HGSNAT: variants seen among roughly 807,000 people sequenced by gnomAD.
HGSNAT encodes the protein transmembrane protein 76.
Under a neutral mutation model 85.2 loss-of-function variants are expected in HGSNAT, and 59 were observed. The observed-to-expected ratio is 0.69, with a 90% CI of 0.56 to 0.86. The LOEUF is 0.86. HGSNAT is among the 40% of genes least tolerant of loss of function. HGSNAT has a pLI of 0.00. For synonymous variants in HGSNAT, 321 were observed against 304.5 expected (o/e 1.05, Z -0.56); for missense variants, 756 against 777.1 (o/e 0.97, Z 0.32).
intron 2 of HGSNAT, among the ~76,000 whole-genome samples, chr8:43,149,464 C>G (rs959489507): frequency 1.3e-5 from 2 of 152,024 alleles, no homozygotes; most frequent in African/African-American, 4.8e-5. Flanking sequence ...TTTGGGAGGC[C>G]GAGGCGGGCG....
Position 43,172,324 on chromosome 8 carries a change from T to C in HGSNAT, c.758T>C (p.Leu253Pro), listed in dbSNP as rs1460568408. 1 of 1,611,652 alleles carries C rather than the reference T, an allele frequency of 6.2e-7. No homozygotes were observed. Among genetic ancestry groups the C allele is most frequent in the Admixed American group, 1.7e-5 (1 of 60,022 alleles). The change falls in exon 8 of 18, where the codon CTC becomes CCC. Residue 253 changes from leucine (L) to proline (P), a missense_variant. Leu to Pro is a moderately conservative substitution (Grantham distance 98). Coordinates refer to ENST00000379644, the MANE Select transcript of HGSNAT (RefSeq NM_152419.3). ...VDTFRGIALI[L>P]MVFVNYGGGK... ...GCTTCTTCTAGGATTGCTCTTATAC[T>C]CATGGTCTTTGTCAATTATGGAGGA...
At chr8:43,159,871 C>T (rs1232044570) in intron 4 of HGSNAT, among the ~76,000 whole-genome samples, 1 of 152,136 alleles carries the variant, frequency 6.6e-6, no homozygotes, top group Non-Finnish European at 1.5e-5. Context: ...AATGTATGTG[C>T]TGCCTTTTGA....
At chr8:43,198,876 ACT>A (rs1198644491) in intron 17 of HGSNAT, among the ~76,000 whole-genome samples, 1 of 152,098 alleles carries the variant, frequency 6.6e-6, no homozygotes, top group Non-Finnish European at 1.5e-5. Context: ...CAAGAATTGT[ACT>A]GTTATAAAAT....
At chr8:43,177,733 G>T (rs927928727) in intron 9 of HGSNAT, among the ~76,000 whole-genome samples, 1 of 152,094 alleles carries the variant, frequency 6.6e-6, no homozygotes, top group African/African-American at 2.4e-5. Flanking sequence ...GGGCTTTGAG[G>T]GTGTGCTTGT....
At chr8:43,161,924 G>C (rs1246568006) in intron 5 of HGSNAT, among the ~76,000 whole-genome samples, 1 of 152,238 alleles carries the variant, frequency 6.6e-6, no homozygotes, top group Non-Finnish European at 1.5e-5. Context: ...GCCAGCCCAG[G>C]CATCTGGTGG....
At chr8:43,175,594 CT>C (rs1213871983) in intron 9 of HGSNAT, among the ~76,000 whole-genome samples, 1 of 103,330 alleles carries the variant, frequency 9.7e-6, no homozygotes, top group Non-Finnish European at 1.8e-5. Context: ...AAGATGAAGT[CT>C]TGCTCTGTAG....
intron 9 of HGSNAT, among the ~76,000 whole-genome samples, chr8:43,175,870 T>G (rs1803794806): frequency 6.6e-6 from 1 of 152,188 alleles, no homozygotes; most frequent in Non-Finnish European, 1.5e-5. Flanking sequence ...CCCGGCCTTT[T>G]AATCCATTTT....
intron 2 of HGSNAT, among the ~76,000 whole-genome samples, chr8:43,157,889 C>T (rs1331102984): frequency 6.6e-6 from 1 of 152,012 alleles, no homozygotes; most frequent in African/African-American, 2.4e-5. Flanking sequence ...GCTTTGAAAC[C>T]AGCCTAAATA....
chr8:43,159,983 G>A (rs1803220292), intron 4 of HGSNAT, among the ~76,000 whole-genome samples: 1 of 152,152 alleles, frequency 6.6e-6, no homozygotes, highest in South Asian at 2.1e-4. Context: ...CGATATGAAA[G>A]GGCCAATGTA....
chr8:43,143,704 A>C (rs916007304), intron 1 of HGSNAT, among the ~76,000 whole-genome samples: 1 of 143,188 alleles, frequency 7.0e-6, no homozygotes, highest in Non-Finnish European at 1.5e-5. Context: ...CGCCTGGCTA[A>C]TTTTTTTTTT....
chr8:43,196,757 G>A, intron 14 of HGSNAT, 191 bp from the exon 15 acceptor site: 1 of 608,934 alleles, frequency 1.6e-6, no homozygotes, highest in South Asian at 1.9e-5. Flanking sequence ...TTCATCTCTG[G>A]TCCCATGCTC....
At chr8:43,179,941 C>G (rs1443991049) in intron 10 of HGSNAT, among the ~76,000 whole-genome samples, 1 of 88,904 alleles carries the variant, frequency 1.1e-5, no homozygotes, top group Non-Finnish European at 2.4e-5. Context: ...GGGGCTGACC[C>G]CCCCACCTCC....
intron 2 of HGSNAT, among the ~76,000 whole-genome samples, chr8:43,150,921 A>G (rs1204610264): frequency 1.3e-5 from 2 of 151,968 alleles, no homozygotes; most frequent in African/African-American, 4.8e-5. Flanking sequence ...ATTAGTAAAT[A>G]AAGTATTAAA....
chr8:43,195,408 C>A, intron 14 of HGSNAT, among the ~76,000 whole-genome samples: 1 of 151,732 alleles, frequency 6.6e-6, no homozygotes, highest in Non-Finnish European at 1.5e-5. Flanking sequence ...AAAATCTAGT[C>A]CTATTCATTA....
Position 43,194,189 on chromosome 8 carries a change from G to C in HGSNAT, c.1464+346G>C, listed in dbSNP as rs867245666. On this transcript the variant is annotated intron_variant, in intron 14 of 17. Coordinates refer to ENST00000379644, the MANE Select transcript of HGSNAT (RefSeq NM_152419.3). ...AAGGCAGGAGGATTGCTTGAGTCCG[G>C]GAGTTTGAGACCAGCCTGGGTAACA... is the stretch of plus-strand genomic sequence containing the variant. 7.5e-6 allele frequency: 6 copies of C among 796,948 alleles called. No individual in the cohort carries two copies. The Middle Eastern group carries it at 1.7e-3, about 222-fold the overall frequency. 49.4% of individuals were successfully genotyped at this position (796,948 alleles called of 1,614,324 possible).
chr8:43,143,266 G>C (rs925461016), intron 1 of HGSNAT, among the ~76,000 whole-genome samples: 8 of 152,150 alleles, frequency 5.3e-5, no homozygotes, highest in Admixed American at 2.0e-4. Flanking sequence ...GTTCAAACTT[G>C]TTAATCACAA....
At chr8:43,199,326 T>A (rs1374134186) in intron 17 of HGSNAT, 62 bp from the exon 18 acceptor site, 49 of 1,185,394 alleles carry the variant, frequency 4.1e-5, no homozygotes, top group Non-Finnish European at 3.6e-6. Flanking sequence ...AAGAATTAAA[T>A]AGATGGTTAG....
rs547956312 is a variant in HGSNAT at position 43,190,940 on chromosome 8, C to G, written c.1129-534C>G. On this transcript the variant is annotated intron_variant, in intron 11 of 17. Transcript: ENST00000379644. ...ACAACTCCCCCAGCCCCAGGCAACC[C>G]CAGCCTACTTGTTGTCTCTACACAT... 2.0e-5 allele frequency among the ~76,000 whole-genome samples: 3 copies of G among 152,268 alleles called. No homozygotes were observed. In the South Asian group the frequency reaches 6.2e-4, roughly 32 times the overall value.
chr8:43,175,557 C>CTTTTTTTTTTTTTTTTTT (rs572939859), intron 9 of HGSNAT, among the ~76,000 whole-genome samples: 1 of 63,146 alleles, frequency 1.6e-5, no homozygotes. Context: ...CTTTTGTCCT[C>CTTTTTTTTTTTTTTTTTT]TTTTTTTTTT....
Sources: gnomAD v4.1 joint callset for allele counts (sites outside exome capture counted in the v4.1 genomes callset) on GRCh38, gnomAD v4.1.1 for gene constraint, MANE v1.5 for transcripts, NCBI Gene and HGNC (gene_info 2026-07-23, HGNC 2026-07-21) for gene names.